Variants in SPATS2L observed in about 807,000 individuals in gnomAD.
SPATS2L encodes the protein SPATS2-like protein.
In SPATS2L, 30 loss-of-function variants were observed where a neutral mutation model predicts 59.6. That is an observed-to-expected ratio of 0.50 (90% confidence interval 0.38 to 0.68). The LOEUF (loss-of-function observed/expected upper bound fraction) is 0.68, where lower values mean the gene tolerates loss of function less well. Ranked by LOEUF, SPATS2L falls within the 30% of genes least tolerant of loss-of-function variation. The pLI is 0.00. For synonymous variants in SPATS2L, 252 were observed against 263.5 expected (o/e 0.96, Z 0.42); for missense variants, 615 against 700.0 (o/e 0.88, Z 1.37).
chr2:200,332,314 A>G (rs2079972113), intron 2 of SPATS2L, among the ~76,000 whole-genome samples: 1 of 151,974 alleles, frequency 6.6e-6, no homozygotes, highest in African/African-American at 2.4e-5. Context: ...GCGCCAACAC[A>G]GCTCACTAAA....
At chr2:200,447,508 G>A (rs1230968113) in intron 8 of SPATS2L, among the ~76,000 whole-genome samples, 11 of 152,296 alleles carry the variant, frequency 7.2e-5, no homozygotes, top group South Asian at 4.1e-4. Flanking sequence ...CATATTAGGC[G>A]AAACAGGTCC....
At chr2:200,348,941 C>T (rs919241506) in intron 2 of SPATS2L, among the ~76,000 whole-genome samples, 3 of 151,422 alleles carry the variant, frequency 2.0e-5, no homozygotes, top group African/African-American at 7.3e-5. Flanking sequence ...GGCTCTATTC[C>T]TTTCTGACTA....
At chr2:200,342,731 C>T (rs1430137301) in intron 2 of SPATS2L, among the ~76,000 whole-genome samples, 5 of 152,138 alleles carry the variant, frequency 3.3e-5, no homozygotes, top group Admixed American at 2.6e-4. Context: ...CTTTTCCAAG[C>T]GGAGTTTGTG....
intron 2 of SPATS2L, among the ~76,000 whole-genome samples, chr2:200,344,180 G>A (rs1177894064): frequency 1.3e-5 from 2 of 151,934 alleles, no homozygotes; most frequent in Non-Finnish European, 2.9e-5. Context: ...CAGGTACTAA[G>A]CCTAGTATTC....
chr2:200,314,047 A>G (rs577915862), intron 1 of SPATS2L, among the ~76,000 whole-genome samples: 129 of 152,220 alleles, frequency 8.5e-4, no homozygotes, highest in African/African-American at 3.0e-3. Flanking sequence ...GCCCTGTGGC[A>G]GCTCATCTTC....
intron 2 of SPATS2L, among the ~76,000 whole-genome samples, chr2:200,330,578 G>T (rs1004835691): frequency 6.6e-5 from 10 of 152,194 alleles, no homozygotes; most frequent in Non-Finnish European, 1.2e-4. Flanking sequence ...ACACTGCTTA[G>T]TTTTCCTTTG....
chr2:200,374,405 A>C (rs2081531707), intron 2 of SPATS2L, among the ~76,000 whole-genome samples: 1 of 152,126 alleles, frequency 6.6e-6, no homozygotes, highest in Admixed American at 6.6e-5. Context: ...ACCTAAACTA[A>C]AGCCATCTCA....
chr2:200,414,218 C>G (rs1412312449), intron 4 of SPATS2L, among the ~76,000 whole-genome samples: 1 of 152,124 alleles, frequency 6.6e-6, no homozygotes, highest in Non-Finnish European at 1.5e-5. Flanking sequence ...AACAGAGCAC[C>G]TTGCTTGTCC....
intron 12 of SPATS2L, among the ~76,000 whole-genome samples, chr2:200,474,345 CTTTT>C (rs200660291): frequency 6.7e-6 from 1 of 148,946 alleles, no homozygotes; most frequent in Non-Finnish European, 1.5e-5. Flanking sequence ...AGTTTTTGTT[CTTTT>C]TTTTTTCTTT....
At chr2:200,392,364 GGGT>G (rs2082197517) in intron 3 of SPATS2L, among the ~76,000 whole-genome samples, 2 of 152,174 alleles carry the variant, frequency 1.3e-5, no homozygotes, top group Admixed American at 1.3e-4. Context: ...TGGAGGTTTG[GGGT>G]GGTGAACCCA....
chr2:200,451,037 T>C (rs1274009675), intron 8 of SPATS2L, among the ~76,000 whole-genome samples: 3 of 152,048 alleles, frequency 2.0e-5, no homozygotes, highest in Admixed American at 6.5e-5. Flanking sequence ...CCATCAATAA[T>C]GATGGGCACG....
At chr2:200,390,718 C>T (rs913558776) in intron 3 of SPATS2L, 6 of 152,182 alleles carry the variant, frequency 3.9e-5, no homozygotes, top group African/African-American at 1.2e-4. Flanking sequence ...GCTGTCTACC[C>T]AGGTCCGTGG....
chr2:200,356,914 A>G (rs1012548369), intron 2 of SPATS2L, among the ~76,000 whole-genome samples: 1 of 152,188 alleles, frequency 6.6e-6, no homozygotes, highest in African/African-American at 2.4e-5. Flanking sequence ...TCTCCAGATA[A>G]CTAACCCACT....
intron 8 of SPATS2L, among the ~76,000 whole-genome samples, chr2:200,456,748 G>A (rs1393895037): frequency 2.0e-5 from 3 of 152,126 alleles, no homozygotes; most frequent in Admixed American, 2.0e-4. Flanking sequence ...CCCCTCCACT[G>A]GGCATCTGAG....
chr2:200,391,074 C>T (rs1371007321), intron 3 of SPATS2L, among the ~76,000 whole-genome samples: 26 of 152,080 alleles, frequency 1.7e-4, no homozygotes, highest in African/African-American at 2.4e-4. Flanking sequence ...GCAGGAGATT[C>T]GCTTATACCT....
intron 9 of SPATS2L, 135 bp from the exon 10 acceptor site, chr2:200,467,155 A>G (rs1574703432): frequency 4.6e-6 from 3 of 658,180 alleles, no homozygotes; most frequent in East Asian, 2.8e-5. Context: ...ACCCGCCTCC[A>G]TGACCAACTC....
intron 3 of SPATS2L, among the ~76,000 whole-genome samples, chr2:200,407,567 T>G (rs2082730611): frequency 6.6e-6 from 1 of 152,246 alleles, no homozygotes; most frequent in African/African-American, 2.4e-5. Context: ...AATGTCTGTC[T>G]GCTAAGCTGA....
chr2:200,477,965 C>T lies in SPATS2L; in HGVS notation c.1611C>T (p.Pro537=), dbSNP rs769947523. The T allele has an allele frequency of 1.2e-6, 2 of 1,605,894 alleles. No homozygotes were observed. Among genetic ancestry groups the T allele is most frequent in the Admixed American group, 1.7e-5 (1 of 59,076 alleles). Residue 537 remains proline (P), a synonymous_variant, in exon 13 of 13, where the codon CCC becomes CCT. Coordinates refer to ENST00000409140, the MANE Select transcript of SPATS2L (RefSeq NM_001100423.2). ...VGRVSQCNLC[P]TRIEVSTDAA... ...GGGTTTCACAGTGCAATCTCTGCCC[C>T]ACGAGAATAGAAGTTTCCACAGATG...
At chr2:200,422,246 G>A (rs897256028) in intron 6 of SPATS2L, among the ~76,000 whole-genome samples, 3 of 152,162 alleles carry the variant, frequency 2.0e-5, no homozygotes, top group Non-Finnish European at 4.4e-5. Flanking sequence ...TTCTGTTAAA[G>A]AGTAAATGAG....
Sources: gnomAD v4.1 joint callset for allele counts (sites outside exome capture counted in the v4.1 genomes callset) on GRCh38, gnomAD v4.1.1 for gene constraint, MANE v1.5 for transcripts, NCBI Gene and HGNC (gene_info 2026-07-23, HGNC 2026-07-21) for gene names.